Variants in CNTN5 observed in about 807,000 individuals in gnomAD.
The protein encoded by CNTN5 is contactin-5.
CNTN5 carries 77 observed loss-of-function variants against 129.1 expected under a neutral mutation model. That is an observed-to-expected ratio of 0.60 (90% CI 0.50 to 0.72). CNTN5 has a LOEUF of 0.72. Among genes scored for constraint, CNTN5 ranks in the 30% least tolerant of loss-of-function variants. CNTN5 has a pLI of 0.00. For synonymous variants in CNTN5, 509 were observed against 465.6 expected (o/e 1.09, Z -1.20); for missense variants, 1,478 against 1,328.8 (o/e 1.11, Z -1.75).
At position 99,066,762 on chromosome 11, in the gene CNTN5, C is replaced by T. The variant is rs556408340; in HGVS notation, c.-210+45492C>T. Among the ~76,000 whole-genome samples the T allele has an allele frequency of 1.1e-4, 16 of 152,256 alleles. 1 individual carries two copies. Among genetic ancestry groups the T allele is most frequent in the African/African-American group, 3.8e-4 (16 of 41,566 alleles). On this transcript the variant is annotated intron_variant, in intron 1 of 24. Coordinates refer to ENST00000524871, the MANE Select transcript of CNTN5 (RefSeq NM_014361.4). ...TGTGAAATCCAGCACTGCATTTATGCTGAGGCTACACTTCCTACTCACTGC... is the reference window on the plus strand; with the variant it reads ...TGTGAAATCCAGCACTGCATTTATGTTGAGGCTACACTTCCTACTCACTGC...
chr11:99,628,388 A>G (rs2135790699), intron 3 of CNTN5, among the ~76,000 whole-genome samples: 1 of 152,208 alleles, frequency 6.6e-6, no homozygotes, highest in Middle Eastern at 3.4e-3. Context: ...TATTTCTGGT[A>G]CTTGGGAAAT....
intron 3 of CNTN5, among the ~76,000 whole-genome samples, chr11:99,693,244 C>A (rs1337005423): frequency 6.6e-6 from 1 of 151,988 alleles, no homozygotes; most frequent in Non-Finnish European, 1.5e-5. Flanking sequence ...ATTTAAGGCT[C>A]ATTTTTGGCA....
chr11:99,692,669 T>G (rs1310107760), intron 3 of CNTN5, among the ~76,000 whole-genome samples: 1 of 152,110 alleles, frequency 6.6e-6, no homozygotes, highest in African/African-American at 2.4e-5. Context: ...CCTCAATATT[T>G]TTTCTTTTAT....
intron 17 of CNTN5, among the ~76,000 whole-genome samples, chr11:100,262,746 A>C (rs903665334): frequency 6.6e-6 from 1 of 152,164 alleles, no homozygotes; most frequent in Non-Finnish European, 1.5e-5. Context: ...CAAGGAAAAC[A>C]CATGGACACA....
chr11:99,643,287 G>C (rs932766787), intron 3 of CNTN5, among the ~76,000 whole-genome samples: 6 of 152,052 alleles, frequency 3.9e-5, no homozygotes, highest in African/African-American at 1.4e-4. Flanking sequence ...ACGAATATTT[G>C]ATTCTTTATA....
chr11:99,188,094 C>T (rs1478956817), intron 1 of CNTN5, among the ~76,000 whole-genome samples: 2 of 151,692 alleles, frequency 1.3e-5, no homozygotes, highest in African/African-American at 4.8e-5. Context: ...CTGAAGATGA[C>T]TTTATTTTTG....
intron 3 of CNTN5, among the ~76,000 whole-genome samples, chr11:99,722,192 T>G (rs1458758051): frequency 6.6e-6 from 1 of 152,204 alleles, no homozygotes; most frequent in Non-Finnish European, 1.5e-5. Flanking sequence ...GAATGTTCAC[T>G]GCAGTATTAT....
At chr11:99,639,688 C>T (rs1050529308) in intron 3 of CNTN5, among the ~76,000 whole-genome samples, 12 of 151,316 alleles carry the variant, frequency 7.9e-5, no homozygotes, top group African/African-American at 2.9e-4. Flanking sequence ...CCTCAGCCTC[C>T]CAAGTAGCTG....
chr11:99,256,263 A>G (rs1009890102), intron 1 of CNTN5, among the ~76,000 whole-genome samples: 2 of 152,094 alleles, frequency 1.3e-5, no homozygotes, highest in African/African-American at 4.8e-5. Flanking sequence ...TTTATAGTGT[A>G]TACAAATGTC....
intron 2 of CNTN5, among the ~76,000 whole-genome samples, chr11:99,397,486 T>A (rs534973407): frequency 6.6e-6 from 1 of 151,830 alleles, no homozygotes; most frequent in Non-Finnish European, 1.5e-5. Context: ...AATTCTTTTG[T>A]ACAGATTTTT....
At chr11:99,546,304 CA>C (rs1948289146) in intron 2 of CNTN5, among the ~76,000 whole-genome samples, 1 of 152,120 alleles carries the variant, frequency 6.6e-6, no homozygotes, top group Non-Finnish European at 1.5e-5. Flanking sequence ...AGACCATTAG[CA>C]GGCACTTTGA....
At chr11:99,996,883 G>A (rs1439282847) in intron 8 of CNTN5, among the ~76,000 whole-genome samples, 1 of 152,056 alleles carries the variant, frequency 6.6e-6, no homozygotes, top group Non-Finnish European at 1.5e-5. Flanking sequence ...CAGCATGGGG[G>A]AAACTGCCCC....
chr11:100,340,380 T>A, intron 21 of CNTN5, 83 bp from the exon 22 acceptor site: 3 of 997,814 alleles, frequency 3.0e-6, no homozygotes, highest in Admixed American at 2.6e-5. Context: ...TCCAGCAACA[T>A]CCAAAAAAGA....
chr11:99,995,931 C>A (rs1939414605), intron 8 of CNTN5, among the ~76,000 whole-genome samples: 1 of 152,084 alleles, frequency 6.6e-6, no homozygotes, highest in Non-Finnish European at 1.5e-5. Context: ...AGGTGTTCTC[C>A]CCTGTCTAGA....
intron 13 of CNTN5, among the ~76,000 whole-genome samples, chr11:100,118,564 C>G: frequency 6.6e-6 from 1 of 151,874 alleles, no homozygotes; most frequent in East Asian, 1.9e-4. Flanking sequence ...TATCTATTGT[C>G]TTCAGCTGTA....
chr11:99,136,405 A>T (rs549235703), intron 1 of CNTN5, among the ~76,000 whole-genome samples: 34 of 152,194 alleles, frequency 2.2e-4, no homozygotes, highest in African/African-American at 8.2e-4. Context: ...CCCAAACCTA[A>T]TTATTTTTTG....
chr11:100,026,160 G>A lies in CNTN5; in HGVS notation c.980+24024G>A, dbSNP rs184922890. On this transcript the variant is annotated intron_variant, in intron 9 of 24. Transcript: ENST00000524871. ...CATTGAGGACCATTTCCTTCATGCCGTTCTCATGATAGTGAGTAAGTTCTT... is the reference window on the plus strand; with the variant it reads ...CATTGAGGACCATTTCCTTCATGCCATTCTCATGATAGTGAGTAAGTTCTT... Among the ~76,000 whole-genome samples the A allele has an allele frequency of 2.6e-3, 391 of 152,122 alleles. 1 individual carries two copies. Among genetic ancestry groups the A allele is most frequent in the African/African-American group, 6.9e-3 (287 of 41,516 alleles).
intron 4 of CNTN5, among the ~76,000 whole-genome samples, chr11:99,835,756 C>T (rs566743070): frequency 6.6e-6 from 1 of 152,296 alleles, no homozygotes; most frequent in Admixed American, 6.5e-5. Flanking sequence ...AGCACTATAA[C>T]TGGTCAAGCT....
intron 3 of CNTN5, among the ~76,000 whole-genome samples, chr11:99,590,594 T>A (rs1230555529): frequency 6.6e-6 from 1 of 152,204 alleles, no homozygotes; most frequent in Non-Finnish European, 1.5e-5. Flanking sequence ...ACAAATTATG[T>A]GTTGTAGATA....
Sources: gnomAD v4.1 joint callset for allele counts (sites outside exome capture counted in the v4.1 genomes callset) on GRCh38, gnomAD v4.1.1 for gene constraint, MANE v1.5 for transcripts, NCBI Gene and HGNC (gene_info 2026-07-23, HGNC 2026-07-21) for gene names.